Variants in SEPTIN10 observed in about 807,000 individuals in gnomAD.
SEPTIN10 encodes the protein septin 10.
Under a neutral mutation model 54.8 loss-of-function variants are expected in SEPTIN10, and 66 were observed. That is an observed-to-expected ratio of 1.21 (90% CI 0.99 to 1.48). SEPTIN10 has a LOEUF of 1.48. SEPTIN10 is among the 40% of genes most tolerant of loss of function. SEPTIN10 has a pLI of 0.00. For synonymous variants in SEPTIN10, 161 were observed against 181.0 expected (o/e 0.89, Z 0.89); for missense variants, 620 against 545.6 (o/e 1.14, Z -1.36).
intron 1 of SEPTIN10, among the ~76,000 whole-genome samples, chr2:109,599,321 G>A (rs1696066159): frequency 6.6e-6 from 1 of 152,074 alleles, no homozygotes; most frequent in African/African-American, 2.4e-5. Context: ...AGCCAGGCGT[G>A]GTGGTGTGTG....
At chr2:109,554,217 T>C (rs529552372) in intron 8 of SEPTIN10, among the ~76,000 whole-genome samples, 1 of 152,124 alleles carries the variant, frequency 6.6e-6, no homozygotes, top group Non-Finnish European at 1.5e-5. Context: ...AGGGAATAGA[T>C]GTTTGCAAAG....
chr2:109,585,472 C>T, intron 3 of SEPTIN10, 151 bp from the exon 4 acceptor site: 1 of 699,236 alleles, frequency 1.4e-6, no homozygotes, highest in Non-Finnish European at 2.4e-6. Context: ...TCCCCCAAGT[C>T]ATTAGCAGAG....
intron 8 of SEPTIN10, among the ~76,000 whole-genome samples, chr2:109,559,875 C>G (rs535055397): frequency 3.3e-4 from 49 of 149,818 alleles, no homozygotes; most frequent in Non-Finnish European, 5.6e-4. Context: ...CCCTTCAAAT[C>G]TGCAAGTCCA....
intron 5 of SEPTIN10, among the ~76,000 whole-genome samples, chr2:109,568,729 A>G (rs1687652102): frequency 6.6e-6 from 1 of 152,162 alleles, no homozygotes; most frequent in Non-Finnish European, 1.5e-5. Context: ...AACCAGGGTG[A>G]TTGATCCCTC....
rs759620396 is a variant in SEPTIN10 at position 109,568,024 on chromosome 2, T to C, written c.601-48A>G. On this transcript the variant is annotated intron_variant, in intron 5 of 10. Transcript: ENST00000397712. Reference sequence around the variant, plus strand: ...AAATCTTACTGAGGATTTTTTTTTTTAATCCTGCAGCTGTTTTTTCACTCA... The same window carrying C: ...AAATCTTACTGAGGATTTTTTTTTTCAATCCTGCAGCTGTTTTTTCACTCA... The C allele has an allele frequency of 5.9e-6, 8 of 1,364,496 alleles. No individual in the cohort carries two copies. The East Asian group carries it at 1.9e-4, about 33-fold the overall frequency. The allele number at this position is 1,364,496 out of a possible 1,614,324, so 84.5% of individuals were successfully genotyped here.
intron 9 of SEPTIN10, among the ~76,000 whole-genome samples, chr2:109,546,479 T>A (rs1385296832): frequency 2.0e-5 from 3 of 152,212 alleles, no homozygotes; most frequent in African/African-American, 7.2e-5. Flanking sequence ...AAACTATTTT[T>A]AAAACATTGT....
At chr2:109,579,764 T>C (rs527624080) in intron 4 of SEPTIN10, among the ~76,000 whole-genome samples, 32 of 152,036 alleles carry the variant, frequency 2.1e-4, no homozygotes, top group African/African-American at 5.5e-4. Context: ...TTCCAGAAAA[T>C]AGAGAATGAA....
At chr2:109,592,832 CAGAATATTGTGGATACTCAATTA>C (rs1166460408) in intron 2 of SEPTIN10, among the ~76,000 whole-genome samples, 196 bp downstream of exon 2, 1 of 151,552 alleles carries the variant, frequency 6.6e-6, no homozygotes, top group East Asian at 1.9e-4. Flanking sequence ...TCCTTAATGT[CAGAATATTGTGGATACTCAATTA>C]AGAATATTGT....
At chr2:109,553,265 T>C (rs1436487344) in intron 8 of SEPTIN10, 46 bp from the exon 9 acceptor site, 1 of 1,605,358 alleles carries the variant, frequency 6.2e-7, no homozygotes, top group East Asian at 2.2e-5. Context: ...GTGATATAGG[T>C]CGGGTATGGC....
chr2:109,577,698 A>C (rs1359705195), intron 4 of SEPTIN10, among the ~76,000 whole-genome samples: 6 of 152,072 alleles, frequency 3.9e-5, no homozygotes, highest in Non-Finnish European at 7.4e-5. Flanking sequence ...AGATCGCTTG[A>C]GGCCAGGAGT....
chr2:109,609,615 C>CAAAAA (rs59667245), intron 1 of SEPTIN10, among the ~76,000 whole-genome samples: 2 of 97,954 alleles, frequency 2.0e-5, no homozygotes, highest in Non-Finnish European at 4.2e-5. Flanking sequence ...GACTCCGCCT[C>CAAAAA]AAAAAAAAAA....
chr2:109,588,850 T>TAAAAAAAAAAAAAAAAAAAAAAA (rs59135205), intron 2 of SEPTIN10, among the ~76,000 whole-genome samples: 1 of 111,448 alleles, frequency 9.0e-6, no homozygotes, highest in Non-Finnish European at 1.8e-5. Flanking sequence ...CAATTACTAT[T>TAAAAAAAAAAAAAAAAAAAAAAA]AAAAAAAAAA....
chr2:109,562,894 G>A (rs1473960284), intron 8 of SEPTIN10, among the ~76,000 whole-genome samples: 1 of 151,752 alleles, frequency 6.6e-6, no homozygotes, highest in Non-Finnish European at 1.5e-5. Context: ...GTGAGGGTGG[G>A]TTAAGTACAC....
intron 3 of SEPTIN10, 109 bp from the exon 4 acceptor site, chr2:109,585,430 G>T: frequency 1.1e-6 from 1 of 934,672 alleles, no homozygotes; most frequent in Non-Finnish European, 1.6e-6. Flanking sequence ...AAAGGCCAGG[G>T]TGCGCATGAA....
rs201521865 is a variant in SEPTIN10, at chr2:109,567,826, C to T, written c.751G>A (p.Ala251Thr). 67 of 1,601,474 alleles carry T rather than the reference C, an allele frequency of 4.2e-5. No individual in the cohort carries two copies. Among genetic ancestry groups the T allele is most frequent in the Middle Eastern group, 1.8e-4 (1 of 5,490 alleles). Residue 251 changes from alanine (A) to threonine (T), a missense_variant, in exon 6 of 11, where the codon GCT (alanine) becomes ACT (threonine). Ala to Thr is a moderately conservative substitution (Grantham distance 58). Transcript: ENST00000397712. ...AATCAGGAGCTCACATTCATTGCAG[C>T]GTTGACCTTAGCAATAGTGTCATCA... ...TDDDTIAKVN[A>T]AMNGQLPFAV...
In SEPTIN10 at chr2:109,610,711, G is replaced by A. The variant is rs185035258; in HGVS notation, c.30+3087C>T. On this transcript the variant is annotated intron_variant, in intron 1 of 10. Transcript: ENST00000397712. ...AGCCTGGGTGACAAAGCGACATTCC[G>A]TCTTCAAAAAAAAAGAGAGAAATGA... Among the ~76,000 whole-genome samples, 256 of 151,732 alleles carry A rather than the reference G, an allele frequency of 1.7e-3. 4 individuals carry two copies. The South Asian group carries it at 0.02, about 12-fold the overall frequency.
intron 4 of SEPTIN10, among the ~76,000 whole-genome samples, chr2:109,580,207 G>T (rs901238299): frequency 1.3e-5 from 2 of 151,230 alleles, no homozygotes; most frequent in African/African-American, 2.4e-5. Context: ...GAAAAATATA[G>T]CATAATATAA....
At chr2:109,549,731 T>C (rs1345759055) in intron 9 of SEPTIN10, among the ~76,000 whole-genome samples, 4 of 152,172 alleles carry the variant, frequency 2.6e-5, no homozygotes, top group Admixed American at 6.5e-5. Flanking sequence ...CCATACCCTA[T>C]GTTTTTTCCT....
At chr2:109,606,671 GCTTTTT>G (rs1558907320) in intron 1 of SEPTIN10, among the ~76,000 whole-genome samples, 94 of 95,248 alleles carry the variant, frequency 9.9e-4, no homozygotes, top group Non-Finnish European at 1.7e-3. Flanking sequence ...AAAATTTTAA[GCTTTTT>G]TTTTTTTTTT....
Sources: allele counts gnomAD v4.1 joint callset (sites outside exome capture counted in the v4.1 genomes callset), GRCh38; gene constraint gnomAD v4.1.1; transcripts MANE v1.5; gene names NCBI Gene and HGNC (gene_info 2026-07-23, HGNC 2026-07-21).